Variants in SPON1 observed in about 807,000 individuals in gnomAD.
The protein encoded by SPON1 is spondin 1.
A neutral mutation model predicts 111.7 loss-of-function variants in SPON1; 52 were observed. The ratio of observed to expected loss-of-function variants is 0.47; its 90% CI spans 0.37 to 0.59. The LOEUF is 0.59. Among genes scored for constraint, SPON1 ranks in the 20% least tolerant of loss-of-function variants. The pLI, the probability that SPON1 is intolerant of heterozygous loss-of-function variation, is 0.00. For synonymous variants in SPON1, 410 were observed against 395.8 expected, an observed-to-expected ratio of 1.04 and a Z score of -0.43; for missense variants, 957 against 1,068.5, an observed-to-expected ratio of 0.90 and a Z score of 1.46.
rs1554909842 is a variant in SPON1, at chr11:13,982,830, T to G, written c.239-17T>G. The G allele has an allele frequency of 2.6e-6, 4 of 1,518,778 alleles. No individual in the cohort carries two copies. Among genetic ancestry groups the G allele is most frequent in the Non-Finnish European group, 3.6e-6 (4 of 1,116,752 alleles). 94.1% of individuals were successfully genotyped at this position (1,518,778 alleles called of 1,614,324 possible). On this transcript the variant is annotated splice_polypyrimidine_tract_variant and intron_variant, in intron 1 of 15. Transcript: ENST00000576479. ...TTGATTCTTATACTTAAAACCTGCT[T>G]TTTTCTCTCTCTGCAGTAACACTTT...
At chr11:14,116,792 A>G (rs563476696) in intron 5 of SPON1, among the ~76,000 whole-genome samples, 50 of 152,182 alleles carry the variant, frequency 3.3e-4, no homozygotes, top group Admixed American at 2.0e-3. Context: ...ACTCATAGAA[A>G]AACGTGGGGA....
intron 6 of SPON1, among the ~76,000 whole-genome samples, chr11:14,184,527 GC>G (rs782694943): frequency 1.3e-5 from 2 of 152,208 alleles, no homozygotes; most frequent in Non-Finnish European, 2.9e-5. Flanking sequence ...CTCTCAGAGG[GC>G]CAGCCTGGTA....
chr11:14,082,103 G>A (rs1446531786), intron 5 of SPON1, among the ~76,000 whole-genome samples: 21 of 152,040 alleles, frequency 1.4e-4, no homozygotes, highest in African/African-American at 3.4e-4. Flanking sequence ...TTAGGGGCCC[G>A]TTACTCATCT....
At chr11:14,185,755 G>A (rs1848280002) in intron 6 of SPON1, among the ~76,000 whole-genome samples, 1 of 152,252 alleles carries the variant, frequency 6.6e-6, no homozygotes, top group African/African-American at 2.4e-5. Flanking sequence ...TGGTTCTGTA[G>A]TTTCTGCTGA....
intron 2 of SPON1, among the ~76,000 whole-genome samples, chr11:14,030,248 G>C (rs1222209933): frequency 2.0e-5 from 3 of 152,230 alleles, no homozygotes; most frequent in Non-Finnish European, 2.9e-5. Flanking sequence ...AGGGGGCCAG[G>C]TTATTAGCCT....
chr11:13,992,004 T>C (rs1403076972), intron 2 of SPON1, among the ~76,000 whole-genome samples: 11 of 152,306 alleles, frequency 7.2e-5, no homozygotes, highest in African/African-American at 2.6e-4. Context: ...TGGTTCCTAC[T>C]GGGAGGTGTC....
At chr11:14,232,548 C>G (rs189264081) in intron 6 of SPON1, among the ~76,000 whole-genome samples, 4 of 152,294 alleles carry the variant, frequency 2.6e-5, no homozygotes, top group African/African-American at 9.6e-5. Context: ...TTTCCCTCCC[C>G]ACTCTGGCAA....
rs569279002 is a variant in SPON1, at chr11:14,180,635, C to T, written c.825+45067C>T. ...CTGACCTGACATATCTTATGCTTCA[C>T]TGTGATTATGATCTGCCTGCCCTAA... On this transcript the variant is annotated intron_variant, in intron 6 of 15. Transcript: ENST00000576479. 3.3e-5 allele frequency among the ~76,000 whole-genome samples: 5 copies of T among 152,318 alleles called. No individual in the cohort carries two copies. The South Asian group carries it at 1.0e-3, about 32-fold the overall frequency.
intron 2 of SPON1, among the ~76,000 whole-genome samples, chr11:13,992,385 G>A (rs941189107): frequency 3.9e-5 from 6 of 152,158 alleles, no homozygotes; most frequent in African/African-American, 1.2e-4. Flanking sequence ...CAAGCCTCAG[G>A]AATGGCGGAC....
intron 13 of SPON1, 64 bp from the exon 14 acceptor site, chr11:14,260,524 G>A: frequency 6.4e-7 from 1 of 1,555,034 alleles, no homozygotes; most frequent in Non-Finnish European, 8.8e-7. Flanking sequence ...ACACTGTGGG[G>A]TCAGGGAGAT....
chr11:14,004,480 C>T (rs1554912861), intron 2 of SPON1, among the ~76,000 whole-genome samples: 1 of 152,166 alleles, frequency 6.6e-6, no homozygotes, highest in Non-Finnish European at 1.5e-5. Context: ...TTTCTCCAGA[C>T]CCTTACCAAC....
At chr11:13,995,194 A>G (rs1848261991) in intron 2 of SPON1, among the ~76,000 whole-genome samples, 1 of 152,344 alleles carries the variant, frequency 6.6e-6, no homozygotes, top group Non-Finnish European at 1.5e-5. Context: ...CTCAGTAAAT[A>G]TAGTAAGTAT....
At chr11:14,132,175 G>C (rs1847536480) in intron 5 of SPON1, among the ~76,000 whole-genome samples, 1 of 152,122 alleles carries the variant, frequency 6.6e-6, no homozygotes, top group Admixed American at 6.5e-5. Context: ...CTACTAGGGA[G>C]GCTGAGGCAA....
At chr11:14,090,442 G>A (rs1849041538) in intron 5 of SPON1, among the ~76,000 whole-genome samples, 1 of 152,200 alleles carries the variant, frequency 6.6e-6, no homozygotes, top group African/African-American at 2.4e-5. Context: ...CTCGTAGTGA[G>A]TGTTACAGCT....
At chr11:14,098,238 C>T (rs1277744540) in intron 5 of SPON1, among the ~76,000 whole-genome samples, 3 of 152,178 alleles carry the variant, frequency 2.0e-5, no homozygotes, top group Non-Finnish European at 2.9e-5. Flanking sequence ...CCTTGTGATC[C>T]GCCTGCCTCG....
chr11:14,219,880 G>C (rs1466334282), intron 6 of SPON1, among the ~76,000 whole-genome samples: 5 of 152,024 alleles, frequency 3.3e-5, no homozygotes, highest in African/African-American at 1.2e-4. Context: ...TTATCATGAA[G>C]ACTTTCCTCC....
chr11:14,112,954 T>C (rs948192257), intron 5 of SPON1, among the ~76,000 whole-genome samples: 1 of 152,236 alleles, frequency 6.6e-6, no homozygotes, highest in African/African-American at 2.4e-5. Context: ...ATTTCTGGCC[T>C]GCCTGCTCAT....
chr11:14,172,663 C>T (rs1433684152), intron 6 of SPON1, among the ~76,000 whole-genome samples: 1 of 151,880 alleles, frequency 6.6e-6, no homozygotes, highest in Non-Finnish European at 1.5e-5. Flanking sequence ...GTGCTTCCTT[C>T]AGGAGCTCTT....
In SPON1 at chr11:13,962,750, G is replaced by C. The variant is rs1006418646; in HGVS notation, c.-155G>C. On this transcript the variant is annotated 5_prime_UTR_variant, in exon 1 of 16. Coordinates refer to ENST00000576479, the MANE Select transcript of SPON1 (RefSeq NM_006108.4). Reference sequence around the variant, plus strand: ...CTCAGCGCAGCTCCGCGGCCGCCAAGCCGAGGCGGGCACGGTCTCCGAGTC... The same window carrying C: ...CTCAGCGCAGCTCCGCGGCCGCCAACCCGAGGCGGGCACGGTCTCCGAGTC... 8.9e-6 allele frequency: 6 copies of C among 674,034 alleles called. No individual in the cohort carries two copies. Among genetic ancestry groups the C allele is most frequent in the African/African-American group, 7.7e-5 (4 of 51,734 alleles). The allele number at this position is 674,034 out of a possible 1,614,324, so 41.8% of individuals were successfully genotyped here.
Sources: gnomAD v4.1 joint callset for allele counts (sites outside exome capture counted in the v4.1 genomes callset) on GRCh38, gnomAD v4.1.1 for gene constraint, MANE v1.5 for transcripts, NCBI Gene and HGNC (gene_info 2026-07-23, HGNC 2026-07-21) for gene names.